LAMA2: variants seen among roughly 807,000 people sequenced by gnomAD.
LAMA2 encodes the protein laminin subunit alpha-2.
A neutral mutation model predicts 364.8 loss-of-function variants in LAMA2; 269 were observed. The observed-to-expected ratio is 0.74, with a 90% CI of 0.67 to 0.82. The LOEUF (loss-of-function observed/expected upper bound fraction) is 0.82. Ranked by LOEUF, LAMA2 falls within the 40% of genes least tolerant of loss-of-function variation. The pLI is 0.00. For missense variants in LAMA2, 3,807 were observed against 3,873.2 expected (o/e 0.98, Z 0.45); for synonymous variants, 1,379 against 1,370.6 (o/e 1.01, Z -0.14).
At chr6:129,237,336 G>A (rs368521678) in intron 12 of LAMA2, among the ~76,000 whole-genome samples, 9 of 151,616 alleles carry the variant, frequency 5.9e-5, no homozygotes, top group African/African-American at 1.9e-4. Context: ...TTTTTCTGTT[G>A]TTGTTGTTGT....
At chr6:129,474,897 G>T (rs975538739) in intron 52 of LAMA2, among the ~76,000 whole-genome samples, 1 of 152,118 alleles carries the variant, frequency 6.6e-6, no homozygotes, top group African/African-American at 2.4e-5. Context: ...GCCATTAGAG[G>T]TATATTTGTG....
intron 1 of LAMA2, among the ~76,000 whole-genome samples, chr6:128,957,836 ATTTTT>A (rs10652900): frequency 4.3e-4 from 22 of 51,268 alleles, no homozygotes; most frequent in East Asian, 1.9e-3. Context: ...TACTTCATGC[ATTTTT>A]TTTTTTTTTT....
chr6:129,216,993 A>G (rs998934864), intron 12 of LAMA2, among the ~76,000 whole-genome samples: 11 of 152,186 alleles, frequency 7.2e-5, no homozygotes, highest in South Asian at 2.1e-4. Context: ...GATCAAGACC[A>G]TCCTGGCCAA....
chr6:128,918,860 A>G (rs758920495), intron 1 of LAMA2, among the ~76,000 whole-genome samples: 1 of 152,158 alleles, frequency 6.6e-6, no homozygotes, highest in African/African-American at 2.4e-5. Flanking sequence ...TTTTCCTGAT[A>G]TGGAATCTGG....
intron 58 of LAMA2, among the ~76,000 whole-genome samples, chr6:129,494,344 G>C (rs1208586404): frequency 6.6e-6 from 1 of 152,162 alleles, no homozygotes. Context: ...CAAGAAAACT[G>C]GTTATTTACT....
intron 1 of LAMA2, among the ~76,000 whole-genome samples, chr6:128,958,865 A>C (rs1008730793): frequency 6.6e-6 from 1 of 152,202 alleles, no homozygotes; most frequent in Non-Finnish European, 1.5e-5. Flanking sequence ...GGATTTAAAA[A>C]TAATATATTT....
intron 31 of LAMA2, among the ~76,000 whole-genome samples, chr6:129,351,035 T>C (rs959013259): frequency 6.6e-6 from 1 of 152,182 alleles, no homozygotes; most frequent in African/African-American, 2.4e-5. Flanking sequence ...TGGATATAGA[T>C]ATAGGTGATA....
At chr6:129,279,029 T>C (rs1384415773) in intron 17 of LAMA2, among the ~76,000 whole-genome samples, 1 of 152,204 alleles carries the variant, frequency 6.6e-6, no homozygotes, top group Non-Finnish European at 1.5e-5. Flanking sequence ...AATTTGTTGT[T>C]ATGTCTTTAA....
At position 129,256,549 on chromosome 6, in the gene LAMA2, A is replaced by G. The variant is rs150883689; in HGVS notation, c.2097-4162A>G. On this transcript the variant is annotated intron_variant, in intron 14 of 64. Coordinates refer to ENST00000421865, the MANE Select transcript of LAMA2 (RefSeq NM_000426.4). ...TATAAATAGTGCAGAAGAAGTGTGC[A>G]CAATGCATATAAATAGTGCAGAAGA... Among the ~76,000 whole-genome samples the G allele has an allele frequency of 3.1e-3, 476 of 151,940 alleles. 3 individuals carry two copies. The highest frequency in any genetic ancestry group is 0.011 in the African/African-American group (453 of 41,446).
At chr6:129,339,286 A>T (rs1308451386) in intron 29 of LAMA2, among the ~76,000 whole-genome samples, 1 of 152,228 alleles carries the variant, frequency 6.6e-6, no homozygotes, top group African/African-American at 2.4e-5. Flanking sequence ...GATACCTCGG[A>T]TAAGAGAGGC....
chr6:129,242,893 T>G lies in LAMA2; in HGVS notation c.1783-7219T>G, dbSNP rs539222445. Among the ~76,000 whole-genome samples, 6 of 152,272 alleles carry G rather than the reference T, an allele frequency of 3.9e-5. No homozygotes were observed. In the South Asian group the frequency reaches 1.2e-3, roughly 32 times the overall value. The stretch of plus-strand genomic sequence containing the variant: ...TAAGTCAGAAAACTTAAAGGAAACA[T>G]TAAATACTCATTTCCTATATGGAAT... On this transcript the variant is annotated intron_variant, in intron 12 of 64. Coordinates refer to ENST00000421865, the MANE Select transcript of LAMA2 (RefSeq NM_000426.4).
chr6:129,072,113 C>G (rs936829106), intron 3 of LAMA2, among the ~76,000 whole-genome samples: 2 of 152,126 alleles, frequency 1.3e-5, no homozygotes, highest in African/African-American at 4.8e-5. Context: ...CGCCACTGCA[C>G]TCCAGCCTGG....
chr6:129,350,678 C>T (rs901637645), intron 31 of LAMA2, among the ~76,000 whole-genome samples: 1 of 152,184 alleles, frequency 6.6e-6, no homozygotes, highest in Non-Finnish European at 1.5e-5. Context: ...CCTAGGAACA[C>T]TTAAATGGTA....
chr6:129,297,968 G>A lies in LAMA2; in HGVS notation c.3037+103G>A, dbSNP rs189855741. 2.8e-4 allele frequency: 250 copies of A among 896,672 alleles called. 3 individuals carry two copies. The highest frequency in any genetic ancestry group is 1.5e-3 in the South Asian group (105 of 68,712). The allele number at this position is 896,672 out of a possible 1,614,324, so 55.5% of individuals were successfully genotyped here. A position where few individuals can be genotyped will look rare whatever the true frequency, so the allele number is the denominator to read the frequency against. ...TAAAGGAAGCACAGATTGATACAAC[G>A]TATTTAACATAATGAGTAATGTCTA... On this transcript the variant is annotated intron_variant, in intron 21 of 64. Coordinates refer to ENST00000421865, the MANE Select transcript of LAMA2 (RefSeq NM_000426.4).
At chr6:129,516,108 C>T (rs1382126642) in intron 64 of LAMA2, 82 bp from the exon 65 acceptor site, 2 of 1,446,984 alleles carry the variant, frequency 1.4e-6, no homozygotes, top group African/African-American at 1.4e-5. Flanking sequence ...TAATCTCAAG[C>T]TAACAGTTGA....
At chr6:129,092,712 T>G (rs548366624) in intron 3 of LAMA2, among the ~76,000 whole-genome samples, 73 of 152,310 alleles carry the variant, frequency 4.8e-4, no homozygotes, top group African/African-American at 1.4e-3. Context: ...ATTAGACACA[T>G]GCTGTTCTCT....
chr6:129,200,886 T>C (rs1782244177), intron 12 of LAMA2, among the ~76,000 whole-genome samples: 1 of 152,098 alleles, frequency 6.6e-6, no homozygotes, highest in Non-Finnish European at 1.5e-5. Context: ...AAAAATAAAA[T>C]TTCTGCATCC....
intron 29 of LAMA2, among the ~76,000 whole-genome samples, chr6:129,331,043 G>T (rs1055180841): frequency 6.6e-6 from 1 of 151,840 alleles, no homozygotes; most frequent in East Asian, 1.9e-4. Flanking sequence ...TTCTTTTTTT[G>T]TATTTTTAAT....
Position 129,464,355 on chromosome 6 carries a change from G to A in LAMA2, c.7058G>A (p.Arg2353His), listed in dbSNP as rs548483084. The A allele has an allele frequency of 7.8e-5, 126 of 1,611,652 alleles. 1 individual carries two copies. The Middle Eastern group carries it at 3.3e-3, about 42-fold the overall frequency. Residue 2353 changes from arginine to histidine, a missense_variant, in exon 50 of 65, where the codon CGT becomes CAT. Physicochemically the swap from Arg to His is conservative, Grantham distance 29 (BLOSUM62 0). Coordinates refer to ENST00000421865, the MANE Select transcript of LAMA2 (RefSeq NM_000426.4). ...GGAGAAGGTTATGCATTGGTCAGCC[G>A]TCCCATTCGCTGGTACCCCAACATC... ...FDGEGYALVS[R>H]PIRWYPNIST...
Sources: allele counts gnomAD v4.1 joint callset (sites outside exome capture counted in the v4.1 genomes callset), GRCh38; gene constraint gnomAD v4.1.1; transcripts MANE v1.5; gene names NCBI Gene and HGNC (gene_info 2026-07-23, HGNC 2026-07-21).